The following PABPN1 variants were observed in gnomAD, a reference collection of about 807,000 sequenced individuals.
The protein encoded by PABPN1 is polyadenylate-binding protein 2.
Under a neutral mutation model 33.4 loss-of-function variants are expected in PABPN1, and 5 were observed. That is an observed-to-expected ratio of 0.15 (90% CI 0.08 to 0.32). The LOEUF (loss-of-function observed/expected upper bound fraction) is 0.32. PABPN1 is among the 10% of genes least tolerant of loss of function. The probability of loss-of-function intolerance (pLI) is 1.00; values close to 1 mark genes in which losing one functional copy is unlikely to be tolerated. For missense variants in PABPN1, 312 were observed against 425.8 expected, an observed-to-expected ratio of 0.73 and a Z score of 2.35; for synonymous variants, 176 against 170.6, an observed-to-expected ratio of 1.03 and a Z score of -0.25.
Position 23,321,756 on chromosome 14 carries a change from A to T in PABPN1, c.287A>T (p.Gln96Leu), listed in dbSNP as rs777032493. ...CCTGGTTCGGGAGCCCCCGGCAGCC[A>T]AGAGGAGGAGGAGGAGCCGGGACTG... Reference protein sequence around the residue: ...PGPGSGAPGSQEEEEEPGLVE... With the variant: ...PGPGSGAPGSLEEEEEPGLVE... Residue 96 changes from glutamine (Q) to leucine (L), a missense_variant, in exon 1 of 7, where the codon CAA becomes CTA. By Grantham distance (113) the Gln-to-Leu change is moderately radical (BLOSUM62 -2). This residue lies in a region of PABPN1 where 167 missense variants were observed against 168.9 expected (regional missense o/e 0.99). Coordinates refer to ENST00000216727, the MANE Select transcript of PABPN1 (RefSeq NM_004643.4). 77 of 1,537,480 alleles carry T rather than the reference A, an allele frequency of 5.0e-5. No individual in the cohort carries two copies. Among genetic ancestry groups the T allele is most frequent in the Non-Finnish European group, 6.7e-5 (76 of 1,141,972 alleles).
chr14:23,321,852 C>G, intron 1 of PABPN1, 32 bp downstream of exon 1: 1 of 1,273,514 alleles, frequency 7.9e-7, no homozygotes, highest in South Asian at 1.5e-5. Context: ...AGCAGGCCGG[C>G]GGCTGGCCGG....
Position 23,324,263 on chromosome 14 carries a change from C to G in PABPN1, c.855C>G (p.Asn285Lys). Reference protein sequence around the residue: ...SSRSRFYSGFNSRPRGRVYRG... With the variant: ...SSRSRFYSGFKSRPRGRVYRG... ...GCTCTCGATTCTACAGTGGTTTTAACAGCAGGCCCCGGGGTCGCGTCTACA... is the reference window on the plus strand; with the variant it reads ...GCTCTCGATTCTACAGTGGTTTTAAGAGCAGGCCCCGGGGTCGCGTCTACA... The change falls in exon 6 of 7, where the codon AAC (asparagine) becomes AAG (lysine). Residue 285 changes from asparagine to lysine, a missense_variant. By Grantham distance (94) the Asn-to-Lys change is moderately conservative (BLOSUM62 0). This residue lies in a region of PABPN1 where 68 missense variants were observed against 71.1 expected (regional missense o/e 0.96). Transcript: ENST00000216727. 1 of 1,613,796 alleles carries G rather than the reference C, an allele frequency of 6.2e-7. No individual in the cohort carries two copies. The highest frequency in any genetic ancestry group is 1.1e-5 in the South Asian group (1 of 91,080).
chr14:23,323,530 AATAG>A (rs777498186), intron 4 of PABPN1, 47 bp downstream of exon 4: 8 of 1,523,488 alleles, frequency 5.3e-6, no homozygotes, highest in South Asian at 1.1e-5. Flanking sequence ...ACAGTGTACA[AATAG>A]ATAAATTATG....
At position 23,325,506 on chromosome 14, in the gene PABPN1, GGCT is replaced by G; in HGVS notation, c.*224_*226del. 1.7e-6 allele frequency: 1 copy of G among 600,920 alleles called. No individual in the cohort carries two copies. Among genetic ancestry groups the G allele is most frequent in the Non-Finnish European group, 2.8e-6 (1 of 352,064 alleles). 37.2% of individuals were successfully genotyped at this position (600,920 alleles called of 1,614,324 possible). On this transcript the variant is annotated 3_prime_UTR_variant, in exon 7 of 7. Transcript: ENST00000216727. Reference sequence around the variant, plus strand: ...GGAAGGCCCAGGGAGTGGGGCAGGGGGCTGCTTATTCACTCTGGGGATTCGCCA... The same window carrying G: ...GGAAGGCCCAGGGAGTGGGGCAGGGGGCTTATTCACTCTGGGGATTCGCCA...
In PABPN1 at chr14:23,325,334, GAAA is replaced by G. The variant is rs751517593; in HGVS notation, c.*56_*58del. ...AGAGAGGAAAAAAAGAGGAAAGAAG[GAAA>G]AAAAAAAGAATTAAAAAAAAAAAAA... On this transcript the variant is annotated 3_prime_UTR_variant, in exon 7 of 7. Coordinates refer to ENST00000216727, the MANE Select transcript of PABPN1 (RefSeq NM_004643.4). 32 of 1,070,572 alleles carry G rather than the reference GAAA, an allele frequency of 3.0e-5. No homozygotes were observed. The highest frequency in any genetic ancestry group is 3.9e-5 in the Non-Finnish European group (31 of 788,696). The allele number at this position is 1,070,572 out of a possible 1,614,324, so 66.3% of individuals were successfully genotyped here.
rs1191973186 is a variant in PABPN1 at position 23,322,853 on chromosome 14, G to C, written c.467-146G>C. 18 of 935,836 alleles carry C rather than the reference G, an allele frequency of 1.9e-5. No homozygotes were observed. The Admixed American group carries it at 2.1e-4, about 11-fold the overall frequency. The allele number at this position is 935,836 out of a possible 1,614,324, so 58.0% of individuals were successfully genotyped here. A position where few individuals can be genotyped will look rare whatever the true frequency, so the allele number is the denominator to read the frequency against. The stretch of plus-strand genomic sequence containing the variant: ...CTGCTATGCACTAGGCACTATTCTC[G>C]GTTGTGGGTACAGCAGGGAACAGCA... On this transcript the variant is annotated intron_variant, in intron 2 of 6. Transcript: ENST00000216727.
At chr14:23,325,126 A>G (rs1213452313) in intron 6 of PABPN1, 121 bp from the exon 7 acceptor site, 6 of 1,409,754 alleles carry the variant, frequency 4.3e-6, no homozygotes, top group South Asian at 3.6e-5. Context: ...GTTTTAGGAC[A>G]CTTGAACACT....
Position 23,321,668 on chromosome 14 carries a change from G to A in PABPN1, c.199G>A (p.Glu67Lys). ...PEELLLEPEP[E>K]PEPEEEPPRP... ...GGAGCTGCTGCTGGAGCCCGAGCCGGAGCCCGAGCCCGAAGAGGAGCCGCC... is the reference window on the plus strand; with the variant it reads ...GGAGCTGCTGCTGGAGCCCGAGCCGAAGCCCGAGCCCGAAGAGGAGCCGCC... Residue 67 changes from glutamate to lysine, a missense_variant, in exon 1 of 7, where the codon GAG becomes AAG. By Grantham distance (56) the Glu-to-Lys change is moderately conservative (BLOSUM62 1). Transcript: ENST00000216727. 6.6e-7 allele frequency: 1 copy of A among 1,519,744 alleles called. No individual in the cohort carries two copies. The highest frequency in any genetic ancestry group is 8.9e-7 in the Non-Finnish European group (1 of 1,122,622). The allele number at this position is 1,519,744 out of a possible 1,614,324, so 94.1% of individuals were successfully genotyped here.
At chr14:23,322,106 C>G (rs956748732) in intron 1 of PABPN1, 75 bp from the exon 2 acceptor site, 2 of 1,476,098 alleles carry the variant, frequency 1.4e-6, no homozygotes, top group South Asian at 1.2e-5. Context: ...AGGCCGCGCT[C>G]TGGCCGAGAG....
intron 6 of PABPN1, chr14:23,324,543 CT>C: frequency 6.7e-6 from 4 of 594,948 alleles, no homozygotes; most frequent in Non-Finnish European, 1.2e-5. Flanking sequence ...CACCCCCAGC[CT>C]TTTTTTTCTT....
Position 23,323,018 on chromosome 14 carries a change from C to T in PABPN1, c.486C>T (p.Ser162=). ...TGATAGCTGGCCCGGTGATCATGTC[C>T]ATTGAGGAGAAGATGGAGGCTGATG... ...PPGNAGPVIM[S]IEEKMEADAR... is the part of the protein sequence containing the mutation. The change falls in exon 3 of 7, where the codon TCC becomes TCT. Residue 162 remains serine, a synonymous_variant. Coordinates refer to ENST00000216727, the MANE Select transcript of PABPN1 (RefSeq NM_004643.4). 6.2e-7 allele frequency: 1 copy of T among 1,614,088 alleles called. No homozygotes were observed. The highest frequency in any genetic ancestry group is 1.1e-5 in the South Asian group (1 of 91,072).
Position 23,321,754 on chromosome 14 carries a change from C to T in PABPN1, c.285C>T (p.Ser95=). The T allele has an allele frequency of 1.3e-6, 2 of 1,539,388 alleles. No homozygotes were observed. Among genetic ancestry groups the T allele is most frequent in the Non-Finnish European group, 1.8e-6 (2 of 1,142,810 alleles). Residue 95 remains serine (S), a synonymous_variant, in exon 1 of 7, where the codon AGC becomes AGT. Transcript: ENST00000216727. ...GPGPGSGAPG[S]QEEEEEPGLV... ...GGCCTGGTTCGGGAGCCCCCGGCAG[C>T]CAAGAGGAGGAGGAGGAGCCGGGAC...
rs1888288658 is a variant in PABPN1 at position 23,321,705 on chromosome 14, C to T, written c.236C>T (p.Ala79Val). 1.3e-6 allele frequency: 2 copies of T among 1,533,392 alleles called. No homozygotes were observed. Among genetic ancestry groups the T allele is most frequent in the Non-Finnish European group, 1.8e-6 (2 of 1,136,320 alleles). The allele number at this position is 1,533,392 out of a possible 1,614,324, so 95.0% of individuals were successfully genotyped here. A position where few individuals can be genotyped will look rare whatever the true frequency, so the allele number is the denominator to read the frequency against. The change falls in exon 1 of 7, where the codon GCC becomes GTC. Residue 79 changes from alanine to valine, a missense_variant. This residue lies in a region of PABPN1 where 167 missense variants were observed against 168.9 expected (regional missense o/e 0.99). Transcript: ENST00000216727. Reference sequence around the variant, plus strand: ...GAAGAGGAGCCGCCCCGGCCCCGCGCCCCCCCGGGAGCTCCGGGCCCTGGG... The same window carrying T: ...GAAGAGGAGCCGCCCCGGCCCCGCGTCCCCCCGGGAGCTCCGGGCCCTGGG... ...EPEEEPPRPRAPPGAPGPGPG... is the reference protein window; with the variant it reads ...EPEEEPPRPRVPPGAPGPGPG...
Position 23,325,410 on chromosome 14 carries a change from AAAG to A in PABPN1, c.*126_*128del, listed in dbSNP as rs1888677366. The stretch of plus-strand genomic sequence containing the variant: ...ATGGAAAAAAAATATTTTTTAAAAA[AAAG>A]ATATACTGTGGAAGGGGGGAGAATC... On this transcript the variant is annotated 3_prime_UTR_variant, in exon 7 of 7. Coordinates refer to ENST00000216727, the MANE Select transcript of PABPN1 (RefSeq NM_004643.4). 1 of 1,268,424 alleles carries A rather than the reference AAAG, an allele frequency of 7.9e-7. No individual in the cohort carries two copies. Among genetic ancestry groups the A allele is most frequent in the Admixed American group, 2.7e-5 (1 of 37,020 alleles). The allele number at this position is 1,268,424 out of a possible 1,614,324, so 78.6% of individuals were successfully genotyped here. A position where few individuals can be genotyped will look rare whatever the true frequency, so the allele number is the denominator to read the frequency against.
chr14:23,324,329 G>T (rs746358858), intron 6 of PABPN1, 40 bp downstream of exon 6: 13 of 1,604,732 alleles, frequency 8.1e-6, no homozygotes, highest in Admixed American at 6.7e-5. Flanking sequence ...CCCGCCTCCC[G>T]TGAGCCCCGT....
chr14:23,322,953 GA>G, intron 2 of PABPN1, 45 bp from the exon 3 acceptor site: 1 of 1,613,272 alleles, frequency 6.2e-7, no homozygotes, highest in Non-Finnish European at 8.5e-7. Context: ...TGGTCAAGTA[GA>G]AAACAAGTGT....
At position 23,325,885 on chromosome 14, in the gene PABPN1, G is replaced by A. The variant is rs993879193; in HGVS notation, c.*599G>A. On this transcript the variant is annotated 3_prime_UTR_variant, in exon 7 of 7. Coordinates refer to ENST00000216727, the MANE Select transcript of PABPN1 (RefSeq NM_004643.4). ...AGGTTTCTGTAGCCGGAAGATCTCCGTTCCGCTCCCAGCGGCTCCAGTGTA... is the reference window on the plus strand; with the variant it reads ...AGGTTTCTGTAGCCGGAAGATCTCCATTCCGCTCCCAGCGGCTCCAGTGTA... 6.5e-6 allele frequency: 1 copy of A among 153,416 alleles called. No individual in the cohort carries two copies. The allele number at this position is 153,416 out of a possible 1,614,324, so 9.5% of individuals were successfully genotyped here.
rs779318814 is a variant in PABPN1, at chr14:23,325,233, C to G, written c.882-14C>G. On this transcript the variant is annotated splice_polypyrimidine_tract_variant and intron_variant, in intron 6 of 6. Transcript: ENST00000216727. ...GTGATCACGTTAACACCTAACTCTC[C>G]TTCTTTCTTCCAGGGGCCGGGCTAG... 6.2e-6 allele frequency: 10 copies of G among 1,613,224 alleles called. No homozygotes were observed. The highest frequency in any genetic ancestry group is 8.5e-6 in the Non-Finnish European group (10 of 1,179,832).
rs1293492884 is a variant in PABPN1, at chr14:23,321,506, G to A, written c.37G>A (p.Ala13Thr). ...GGCGGCGGCGGCAGCAGCAGCGGGG[G>A]CTGCGGGCGGTCGGGGCTCCGGGCC... ...AAAAAAAAAG[A>T]AGGRGSGPGR... The change falls in exon 1 of 7, where the codon GCT (alanine) becomes ACT (threonine). Residue 13 changes from alanine to threonine, a missense_variant. Around this residue, in one of 3 missense-constraint regions of PABPN1, gnomAD observed 167 missense variants for 168.9 expected, o/e 0.99. Coordinates refer to ENST00000216727, the MANE Select transcript of PABPN1 (RefSeq NM_004643.4). 6.5e-6 allele frequency: 8 copies of A among 1,230,020 alleles called. No individual in the cohort carries two copies. Among genetic ancestry groups the A allele is most frequent in the African/African-American group, 1.6e-5 (1 of 63,622 alleles). 76.2% of individuals were successfully genotyped at this position (1,230,020 alleles called of 1,614,324 possible).
Sources: gnomAD v4.1 joint callset for allele counts on GRCh38, gnomAD v4.1.1 for gene constraint, gnomAD v4.1.1 regional missense constraint, MANE v1.5 for transcripts, NCBI Gene and HGNC (gene_info 2026-07-23, HGNC 2026-07-21) for gene names.